The following LRIG1 variants were observed in gnomAD, a reference collection of about 807,000 sequenced individuals.
The protein encoded by LRIG1 is leucine rich repeats and immunoglobulin like domains 1.
A neutral mutation model predicts 99.2 loss-of-function variants in LRIG1; 48 were observed. The observed-to-expected ratio is 0.48, with a 90% CI of 0.38 to 0.62. LRIG1 has a LOEUF of 0.62. Ranked by LOEUF, LRIG1 falls within the 20% of genes least tolerant of loss-of-function variation. The pLI is 0.00. For missense variants in LRIG1, 1,646 were observed against 1,434.4 expected (o/e 1.15, Z -2.38); for synonymous variants, 772 against 596.1 (o/e 1.29, Z -4.30).
At chr3:66,419,219 G>A (rs2106703417) in intron 3 of LRIG1, among the ~76,000 whole-genome samples, 1 of 152,220 alleles carries the variant, frequency 6.6e-6, no homozygotes, top group South Asian at 2.1e-4. Context: ...ACAGCTGCAG[G>A]CCCAACATCT....
intron 1 of LRIG1, among the ~76,000 whole-genome samples, chr3:66,476,983 G>T (rs1700736612): frequency 1.3e-5 from 2 of 152,208 alleles, no homozygotes; most frequent in South Asian, 4.1e-4. Flanking sequence ...TCTGTGAGGA[G>T]CAGGCATTCC....
At chr3:66,449,634 G>T (rs899232002) in intron 3 of LRIG1, among the ~76,000 whole-genome samples, 17 of 152,216 alleles carry the variant, frequency 1.1e-4, no homozygotes, top group African/African-American at 4.1e-4. Context: ...GCACAGTGTG[G>T]TTCAGAGTCA....
At chr3:66,394,893 TGTTA>T (rs1473726468) in intron 11 of LRIG1, among the ~76,000 whole-genome samples, 1 of 152,258 alleles carries the variant, frequency 6.6e-6, no homozygotes, top group East Asian at 1.9e-4. Context: ...AAATAGTGCT[TGTTA>T]GTTAATTGCC....
rs572468406 is a variant in LRIG1 at position 66,465,587 on chromosome 3, A to C, written c.219-3078T>G. The stretch of plus-strand genomic sequence containing the variant: ...CACCATGTTGGCCAGGCTGGTTTCA[A>C]ACTCCTGACCTCAGGTGATCCACCT... On this transcript the variant is annotated intron_variant, in intron 1 of 18. Transcript: ENST00000273261. Among the ~76,000 whole-genome samples, 5 of 152,034 alleles carry C rather than the reference A, an allele frequency of 3.3e-5. No homozygotes were observed. The East Asian group carries it at 9.7e-4, about 30-fold the overall frequency.
At position 66,381,465 on chromosome 3, in the gene LRIG1, G is replaced by A. The variant is rs201471111; in HGVS notation, c.2770+14C>T. Reference sequence around the variant, plus strand: ...TTCAGAAAGAAACTACTTCCAATGGGAAGCATCTCATACCCATCTTATGTG... The same window carrying A: ...TTCAGAAAGAAACTACTTCCAATGGAAAGCATCTCATACCCATCTTATGTG... On this transcript the variant is annotated intron_variant, in intron 17 of 18. Coordinates refer to ENST00000273261, the MANE Select transcript of LRIG1 (RefSeq NM_015541.3). 1 of 1,602,844 alleles carries A rather than the reference G, an allele frequency of 6.2e-7. No homozygotes were observed. Among genetic ancestry groups the A allele is most frequent in the Admixed American group, 1.7e-5 (1 of 59,378 alleles).
At chr3:66,381,748 G>A (rs1701081079) in intron 16 of LRIG1, 117 bp from the exon 17 acceptor site, 3 of 1,137,860 alleles carry the variant, frequency 2.6e-6, no homozygotes, top group Admixed American at 2.2e-5. Context: ...GTTCTTCAGA[G>A]CGGTGGGGCT....
intron 1 of LRIG1, among the ~76,000 whole-genome samples, chr3:66,465,524 C>T (rs753796333): frequency 5.9e-5 from 9 of 151,656 alleles, no homozygotes; most frequent in Non-Finnish European, 7.4e-5. Flanking sequence ...CCACCATGCC[C>T]GGCTAATTTT....
At position 66,451,693 on chromosome 3, in the gene LRIG1, C is replaced by T. The variant is rs1703909724; in HGVS notation, c.291-60G>A. The T allele has an allele frequency of 4.8e-6, 6 of 1,252,922 alleles. No individual in the cohort carries two copies. In the Middle Eastern group the frequency reaches 5.6e-4, roughly 117 times the overall value. The allele number at this position is 1,252,922 out of a possible 1,614,324, so 77.6% of individuals were successfully genotyped here. On this transcript the variant is annotated intron_variant, in intron 2 of 18. Transcript: ENST00000273261. ...ATTTGAATTAGTCTGAAATCATACA[C>T]ATACAACAGAAATAAACAAACGCTG...
intron 11 of LRIG1, among the ~76,000 whole-genome samples, chr3:66,395,038 A>C (rs980598494): frequency 6.6e-6 from 1 of 152,238 alleles, no homozygotes; most frequent in African/African-American, 2.4e-5. Flanking sequence ...TCGCCATCTC[A>C]GCGGACATTC....
At chr3:66,483,515 T>C (rs552809118) in intron 1 of LRIG1, among the ~76,000 whole-genome samples, 12 of 152,354 alleles carry the variant, frequency 7.9e-5, no homozygotes, top group Non-Finnish European at 1.3e-4. Context: ...GCAGTCTTTC[T>C]CTCTGCCAGC....
At chr3:66,497,753 T>C (rs1313618967) in intron 1 of LRIG1, among the ~76,000 whole-genome samples, 1 of 143,298 alleles carries the variant, frequency 7.0e-6, no homozygotes, top group Non-Finnish European at 1.5e-5. Context: ...ACAGGTCCTC[T>C]GCTATCTCAA....
intron 2 of LRIG1, among the ~76,000 whole-genome samples, chr3:66,456,070 A>G (rs1371245332): frequency 1.3e-5 from 2 of 152,252 alleles, no homozygotes; most frequent in African/African-American, 4.8e-5. Context: ...TATATAGCTC[A>G]GATGTTTAAA....
At chr3:66,471,289 C>T (rs1168232200) in intron 1 of LRIG1, among the ~76,000 whole-genome samples, 1 of 152,194 alleles carries the variant, frequency 6.6e-6, no homozygotes, top group Non-Finnish European at 1.5e-5. Flanking sequence ...ACTTTATCAT[C>T]TCCAAAAAGA....
At chr3:66,381,718 A>ACAGT in intron 16 of LRIG1, 87 bp from the exon 17 acceptor site, 1 of 1,452,292 alleles carries the variant, frequency 6.9e-7, no homozygotes, top group South Asian at 1.3e-5. Context: ...GGCCGCTAGA[A>ACAGT]CAGTCATTTT....
Position 66,379,434 on chromosome 3 carries a change from T to C in LRIG1, c.*829A>G, listed in dbSNP as rs949060284. On this transcript the variant is annotated 3_prime_UTR_variant, in exon 19 of 19. Coordinates refer to ENST00000273261, the MANE Select transcript of LRIG1 (RefSeq NM_015541.3). ...GGTACCAACACCAGCAGCCTTTACCTTAATTTAAAAGTCTCAAATAGCAAT... is the reference window on the plus strand; with the variant it reads ...GGTACCAACACCAGCAGCCTTTACCCTAATTTAAAAGTCTCAAATAGCAAT... 6.6e-6 allele frequency: 1 copy of C among 152,308 alleles called. No individual in the cohort carries two copies. The highest frequency in any genetic ancestry group is 2.1e-4 in the South Asian group (1 of 4,820). The allele number at this position is 152,308 out of a possible 1,614,324, so 9.4% of individuals were successfully genotyped here.
intron 1 of LRIG1, among the ~76,000 whole-genome samples, chr3:66,473,071 C>T (rs1158570478): frequency 6.6e-6 from 1 of 152,098 alleles, no homozygotes; most frequent in East Asian, 1.9e-4. Flanking sequence ...TTTAAAGAGA[C>T]TGAGAAGGGC....
At chr3:66,451,532 CA>C in intron 3 of LRIG1, 26 bp downstream of exon 3, 1 of 1,611,312 alleles carries the variant, frequency 6.2e-7, no homozygotes, top group Non-Finnish European at 8.5e-7. Flanking sequence ...CCACACAGCC[CA>C]GAGTCCCCCA....
chr3:66,483,699 A>G (rs1280043648), intron 1 of LRIG1, among the ~76,000 whole-genome samples: 1 of 152,244 alleles, frequency 6.6e-6, no homozygotes, highest in Non-Finnish European at 1.5e-5. Flanking sequence ...CTATGGAAGA[A>G]GCCACCCTCC....
At chr3:66,424,692 G>C (rs1702922628) in intron 3 of LRIG1, among the ~76,000 whole-genome samples, 1 of 152,174 alleles carries the variant, frequency 6.6e-6, no homozygotes, top group South Asian at 2.1e-4. Flanking sequence ...TAACAAGGTA[G>C]GTACTATTAT....
Sources: gnomAD v4.1 joint callset for allele counts (sites outside exome capture counted in the v4.1 genomes callset) on GRCh38, gnomAD v4.1.1 for gene constraint, MANE v1.5 for transcripts, NCBI Gene and HGNC (gene_info 2026-07-23, HGNC 2026-07-21) for gene names.